CPNE2: variants seen among roughly 807,000 people sequenced by gnomAD.
The protein encoded by CPNE2 is copine-2.
In CPNE2, 42 loss-of-function variants were observed where a neutral mutation model predicts 69.7. The ratio of observed to expected loss-of-function variants is 0.60; its 90% CI spans 0.47 to 0.78. CPNE2 has a LOEUF of 0.78. Ranked by LOEUF, CPNE2 falls within the 30% of genes least tolerant of loss-of-function variation. The pLI, the probability that CPNE2 is intolerant of heterozygous loss-of-function variation, is 0.00. For synonymous variants in CPNE2, 294 were observed against 289.8 expected, an observed-to-expected ratio of 1.01 and a Z score of -0.15; for missense variants, 587 against 732.0, an observed-to-expected ratio of 0.80 and a Z score of 2.29.
intron 1 of CPNE2, among the ~76,000 whole-genome samples, chr16:57,101,562 T>C (rs2069613840): frequency 6.6e-6 from 1 of 151,152 alleles, no homozygotes; most frequent in Non-Finnish European, 1.5e-5. Context: ...CCAGCAGGGC[T>C]TGTATGGAGA....
chr16:57,101,167 C>T (rs1447758589), intron 1 of CPNE2, among the ~76,000 whole-genome samples: 2 of 152,184 alleles, frequency 1.3e-5, no homozygotes, highest in Non-Finnish European at 2.9e-5. Flanking sequence ...CCTGGGTTTC[C>T]AGCCTTCTGG....
rs146049240 is a variant in CPNE2 at position 57,110,783 on chromosome 16, C to A, written c.41C>A (p.Ala14Glu). 7.2e-4 allele frequency: 1,155 copies of A among 1,613,274 alleles called. No individual in the cohort carries two copies. The highest frequency in any genetic ancestry group is 9.5e-4 in the Non-Finnish European group (1,121 of 1,179,612). Reference protein sequence around the residue: ...IPSGGAPAAGAAPMGPQYCVC... With the variant: ...IPSGGAPAAGEAPMGPQYCVC... ...AGTGGGGGTGCCCCAGCAGCGGGGG[C>A]AGCCCCCATGGGCCCCCAGTATTGC... The change falls in exon 2 of 16, where the codon GCA becomes GAA. Residue 14 changes from alanine (A) to glutamate (E), a missense_variant. Coordinates refer to ENST00000290776, the MANE Select transcript of CPNE2 (RefSeq NM_152727.6).
At chr16:57,122,765 G>C (rs2069772326) in intron 9 of CPNE2, among the ~76,000 whole-genome samples, 2 of 151,996 alleles carry the variant, frequency 1.3e-5, no homozygotes, top group Non-Finnish European at 2.9e-5. Context: ...GCTAATTTTT[G>C]TGTTTTTAGT....
At chr16:57,118,692 A>ATGGATG (rs1555546470) in intron 5 of CPNE2, among the ~76,000 whole-genome samples, 262 of 54,518 alleles carry the variant, frequency 4.8e-3, no homozygotes, top group Middle Eastern at 0.015. Context: ...ATGGATGGAT[A>ATGGATG]GATAGATAGA....
At chr16:57,132,030 C>G (rs2069842045) in intron 12 of CPNE2, among the ~76,000 whole-genome samples, 1 of 152,218 alleles carries the variant, frequency 6.6e-6, no homozygotes, top group South Asian at 2.1e-4. Flanking sequence ...CATCCCAGCA[C>G]CTGGCCTGCA....
At chr16:57,118,582 T>C (rs1432032831) in intron 5 of CPNE2, among the ~76,000 whole-genome samples, 2 of 151,868 alleles carry the variant, frequency 1.3e-5, no homozygotes, top group Admixed American at 1.3e-4. Flanking sequence ...CTTGGGAAGC[T>C]GAAGCAGGAG....
chr16:57,123,161 C>A (rs2069775217), intron 9 of CPNE2: 2 of 532,732 alleles, frequency 3.8e-6, no homozygotes, highest in South Asian at 5.1e-5. Context: ...GGCCCTGGCA[C>A]CCTGCCTGGA....
intron 1 of CPNE2, among the ~76,000 whole-genome samples, chr16:57,093,378 G>T (rs748707131): frequency 5.9e-5 from 9 of 152,184 alleles, no homozygotes; most frequent in Non-Finnish European, 1.3e-4. Flanking sequence ...GCACCTGTGT[G>T]TTTAAAGGGG....
At chr16:57,114,574 G>A (rs1230057822) in intron 3 of CPNE2, among the ~76,000 whole-genome samples, 3 of 152,118 alleles carry the variant, frequency 2.0e-5, no homozygotes, top group Non-Finnish European at 4.4e-5. Flanking sequence ...GTGGATCTGC[G>A]GAGAAGAACT....
At chr16:57,115,821 A>G (rs1318665059) in intron 4 of CPNE2, among the ~76,000 whole-genome samples, 1 of 152,208 alleles carries the variant, frequency 6.6e-6, no homozygotes. Context: ...GTCGTTCAGA[A>G]GTGCCCTGCC....
At chr16:57,120,102 A>G (rs1275884599) in intron 7 of CPNE2, among the ~76,000 whole-genome samples, 2 of 151,922 alleles carry the variant, frequency 1.3e-5, no homozygotes, top group East Asian at 1.9e-4. Context: ...GGAAAACCCC[A>G]TCTCTACTAA....
At chr16:57,127,019 T>C (rs2069805641) in intron 11 of CPNE2, among the ~76,000 whole-genome samples, 1 of 152,168 alleles carries the variant, frequency 6.6e-6, no homozygotes, top group African/African-American at 2.4e-5. Flanking sequence ...GGATCCTTAG[T>C]AGATGTCTGT....
intron 10 of CPNE2, 152 bp from the exon 11 acceptor site, chr16:57,125,708 G>C (rs2069795706): frequency 1.2e-5 from 11 of 899,668 alleles, no homozygotes; most frequent in Non-Finnish European, 1.8e-5. Context: ...GATACAATCA[G>C]AGCATTTCTA....
chr16:57,113,429 C>T lies in CPNE2; in HGVS notation c.322C>T (p.His108Tyr). The T allele has an allele frequency of 6.2e-7, 1 of 1,614,086 alleles. No homozygotes were observed. The highest frequency in any genetic ancestry group is 8.5e-7 in the Non-Finnish European group (1 of 1,179,990). The change falls in exon 3 of 16, where the codon CAT becomes TAT. Residue 108 changes from histidine (H) to tyrosine (Y), a missense_variant. Around this residue, in one of 5 missense-constraint regions of CPNE2, gnomAD observed 34 missense variants for 67.1 expected, o/e 0.51. Coordinates refer to ENST00000290776, the MANE Select transcript of CPNE2 (RefSeq NM_152727.6). ...CAAGTCCAGTATGCGGCTGGACGAGCATGACTTCCTGGGCCAGTTCTCCTG... is the reference window on the plus strand; with the variant it reads ...CAAGTCCAGTATGCGGCTGGACGAGTATGACTTCCTGGGCCAGTTCTCCTG... Reference protein sequence around the residue: ...QDKSSMRLDEHDFLGQFSCSL... With the variant: ...QDKSSMRLDEYDFLGQFSCSL...
At chr16:57,106,543 A>G (rs1483223507) in intron 1 of CPNE2, among the ~76,000 whole-genome samples, 4 of 152,136 alleles carry the variant, frequency 2.6e-5, no homozygotes, top group Non-Finnish European at 5.9e-5. Context: ...TGTATATGTG[A>G]CCACACGTGT....
intron 1 of CPNE2, among the ~76,000 whole-genome samples, chr16:57,100,000 C>T (rs2069603560): frequency 6.6e-6 from 1 of 152,132 alleles, no homozygotes; most frequent in Non-Finnish European, 1.5e-5. Context: ...GTCTTGATCT[C>T]TTGACCTTGT....
Position 57,121,092 on chromosome 16 carries a change from G to T in CPNE2, c.682-1G>T. 3.1e-6 allele frequency: 5 copies of T among 1,612,404 alleles called. No homozygotes were observed. Among genetic ancestry groups the T allele is most frequent in the Non-Finnish European group, 4.2e-6 (5 of 1,178,970 alleles). On this transcript the variant is annotated splice_acceptor_variant, in intron 7 of 15. Coordinates refer to ENST00000290776, the MANE Select transcript of CPNE2 (RefSeq NM_152727.6). LOFTEE classifies it high-confidence loss of function. The stretch of plus-strand genomic sequence containing the variant: ...GGGTGACCGTGCTGAACCCACCCCA[G>T]GTCATGTGCTACGACTATGACAATG...
chr16:57,144,438 G>A (rs191469092), intron 14 of CPNE2: 9 of 152,414 alleles, frequency 5.9e-5, no homozygotes, highest in Admixed American at 5.9e-4. Flanking sequence ...TGCTGGATAT[G>A]AAGGTGGCTA....
chr16:57,134,862 T>C (rs775685933), intron 13 of CPNE2, 36 bp downstream of exon 13: 1 of 1,611,392 alleles, frequency 6.2e-7, no homozygotes, highest in South Asian at 1.1e-5. Flanking sequence ...GCCCTGTGTT[T>C]GCTACGGGCC....
Sources: allele counts gnomAD v4.1 joint callset (sites outside exome capture counted in the v4.1 genomes callset), GRCh38; gene constraint gnomAD v4.1.1; regional missense constraint gnomAD v4.1.1; transcripts MANE v1.5; gene names NCBI Gene and HGNC (gene_info 2026-07-23, HGNC 2026-07-21).